Variants in AGMO observed in about 807,000 individuals in gnomAD.
AGMO encodes alkylglycerol monooxygenase.
Under a neutral mutation model 60.2 loss-of-function variants are expected in AGMO, and 75 were observed. The ratio of observed to expected loss-of-function variants is 1.25; its 90% CI spans 1.03 to 1.51. The LOEUF (loss-of-function observed/expected upper bound fraction) is 1.51. AGMO is among the 40% of genes most tolerant of loss of function. The pLI, the probability that AGMO is intolerant of heterozygous loss-of-function variation, is 0.00. For synonymous variants in AGMO, 261 were observed against 177.1 expected, an observed-to-expected ratio of 1.47 and a Z score of -3.76; for missense variants, 763 against 525.5, an observed-to-expected ratio of 1.45 and a Z score of -4.42.
intron 12 of AGMO, among the ~76,000 whole-genome samples, chr7:15,265,887 C>G (rs1241922230): frequency 6.6e-6 from 1 of 152,058 alleles, no homozygotes; most frequent in East Asian, 1.9e-4. Flanking sequence ...AGTGTATGTT[C>G]ACCAACAGAT....
At chr7:15,245,460 G>A (rs1782713288) in intron 12 of AGMO, among the ~76,000 whole-genome samples, 1 of 152,098 alleles carries the variant, frequency 6.6e-6, no homozygotes, top group Admixed American at 6.5e-5. Flanking sequence ...TAGCTCAACA[G>A]GGAACAAAAT....
chr7:15,307,627 T>G (rs1780654651), intron 12 of AGMO, among the ~76,000 whole-genome samples: 2 of 152,174 alleles, frequency 1.3e-5, no homozygotes, highest in South Asian at 4.1e-4. Context: ...AGGTGATTGC[T>G]TCTATGCATA....
intron 3 of AGMO, among the ~76,000 whole-genome samples, chr7:15,525,827 A>G (rs1380818521): frequency 6.6e-6 from 1 of 152,184 alleles, no homozygotes; most frequent in African/African-American, 2.4e-5. Flanking sequence ...GGCTGCAGAC[A>G]GTGGGCTAAA....
At chr7:15,241,257 G>A (rs1003876592) in intron 12 of AGMO, among the ~76,000 whole-genome samples, 1 of 151,356 alleles carries the variant, frequency 6.6e-6, no homozygotes, top group African/African-American at 2.4e-5. Flanking sequence ...TCAGGAGATC[G>A]AGACCATCCT....
chr7:15,364,122 A>T (rs913674005), intron 12 of AGMO, among the ~76,000 whole-genome samples: 7 of 151,954 alleles, frequency 4.6e-5, no homozygotes, highest in African/African-American at 1.7e-4. Context: ...TTAAATTCAC[A>T]TTATATATAT....
rs1022921874 is a variant in AGMO, at chr7:15,552,170, C to G, written c.258-7247G>C. ...CTTACACCCTATACAAAAATCAATT[C>G]AAGATGGATTAAAGACTTAAACATT... On this transcript the variant is annotated intron_variant, in intron 2 of 12. Transcript: ENST00000342526. 2.7e-3 allele frequency among the ~76,000 whole-genome samples: 417 copies of G among 152,178 alleles called. 3 individuals are homozygous for G. Among genetic ancestry groups the G allele is most frequent in the African/African-American group, 9.4e-3 (391 of 41,514 alleles).
intron 1 of AGMO, 125 bp from the exon 2 acceptor site, chr7:15,560,396 A>T (rs571475641): frequency 1.0e-6 from 1 of 966,236 alleles, no homozygotes; most frequent in Non-Finnish European, 1.5e-6. Context: ...GATGGTAGAC[A>T]CTCATTTTAG....
chr7:15,253,563 T>C (rs1428999617), intron 12 of AGMO, among the ~76,000 whole-genome samples: 1 of 152,140 alleles, frequency 6.6e-6, no homozygotes, highest in Non-Finnish European at 1.5e-5. Flanking sequence ...ACATCTTTTT[T>C]TAAAATGGAC....
At chr7:15,151,989 T>C in the AGMO span, among the ~76,000 whole-genome samples, 2 of 152,148 alleles carry the variant, frequency 1.3e-5, no homozygotes, top group Admixed American at 1.3e-4. Context: ...AGCAGGGAGC[T>C]GAAATATCCC....
intron 3 of AGMO, among the ~76,000 whole-genome samples, chr7:15,446,939 T>C (rs73288456): frequency 0.012 from 1,751 of 152,260 alleles, 37 homozygotes; most frequent in African/African-American, 0.04. Flanking sequence ...TGTCAGCCAA[T>C]ATCCAGAAGG....
At chr7:15,385,647 G>A (rs1783880688) in intron 9 of AGMO, 85 bp from the exon 10 acceptor site, 2 of 766,330 alleles carry the variant, frequency 2.6e-6, no homozygotes, top group Middle Eastern at 2.3e-4. Flanking sequence ...TTTGAAAAAA[G>A]TATCTGCTAT....
intron 12 of AGMO, among the ~76,000 whole-genome samples, chr7:15,234,582 T>C (rs1268215200): frequency 1.3e-5 from 2 of 152,216 alleles, no homozygotes; most frequent in Non-Finnish European, 2.9e-5. Flanking sequence ...AATCTTAAAG[T>C]TGTTGATCTA....
At chr7:15,153,257 T>C in the AGMO span, among the ~76,000 whole-genome samples, 1 of 152,104 alleles carries the variant, frequency 6.6e-6, no homozygotes, top group Non-Finnish European at 1.5e-5. Flanking sequence ...TTGTCAGATA[T>C]ACAGATTGTG....
At chr7:15,250,673 C>T (rs150072058) in intron 12 of AGMO, among the ~76,000 whole-genome samples, 45 of 152,220 alleles carry the variant, frequency 3.0e-4, no homozygotes, top group Non-Finnish European at 6.3e-4. Flanking sequence ...TCAACCATGG[C>T]TCACGCCTGT....
At chr7:15,318,649 G>C (rs1051378535) in intron 12 of AGMO, among the ~76,000 whole-genome samples, 1 of 152,004 alleles carries the variant, frequency 6.6e-6, no homozygotes, top group African/African-American at 2.4e-5. Flanking sequence ...AATATCATGA[G>C]CTTTATCTGT....
intron 4 of AGMO, among the ~76,000 whole-genome samples, chr7:15,422,928 T>C (rs1321104186): frequency 6.6e-6 from 1 of 152,076 alleles, no homozygotes; most frequent in African/African-American, 2.4e-5. Context: ...GGCTTCTTAG[T>C]TTGGACGAGG....
intron 3 of AGMO, among the ~76,000 whole-genome samples, chr7:15,528,969 C>T (rs1279127992): frequency 6.6e-6 from 1 of 152,006 alleles, no homozygotes; most frequent in Non-Finnish European, 1.5e-5. Context: ...CAAGACAACT[C>T]TCCTGGACTC....
At chr7:15,319,303 G>A (rs946551925) in intron 12 of AGMO, among the ~76,000 whole-genome samples, 2 of 152,148 alleles carry the variant, frequency 1.3e-5, no homozygotes, top group African/African-American at 4.8e-5. Flanking sequence ...AATCCAGAGA[G>A]GTGAGTTCAA....
intron 3 of AGMO, among the ~76,000 whole-genome samples, chr7:15,475,646 CTGCA>C (rs1456603324): frequency 6.6e-6 from 1 of 151,776 alleles, no homozygotes; most frequent in Non-Finnish European, 1.5e-5. Context: ...TGTAACAAAT[CTGCA>C]TGTTCAGCAC....
Sources: gnomAD v4.1 joint callset for allele counts (sites outside exome capture counted in the v4.1 genomes callset) on GRCh38, gnomAD v4.1.1 for gene constraint, MANE v1.5 for transcripts, NCBI Gene and HGNC (gene_info 2026-07-23, HGNC 2026-07-21) for gene names.